The following POTEE variants were observed in gnomAD, a reference collection of about 807,000 sequenced individuals.
POTEE encodes POTE ankyrin domain family member E, also known as ANKRD26-like family C member 1A.
In POTEE, 21 loss-of-function variants were observed where a neutral mutation model predicts 74.2. The observed-to-expected ratio is 0.28, with a 90% CI of 0.20 to 0.41. The LOEUF (loss-of-function observed/expected upper bound fraction) is 0.41, where lower values mean the gene tolerates loss of function less well. Ranked by LOEUF, POTEE falls within the 10% of genes least tolerant of loss-of-function variation. The pLI, the probability that POTEE is intolerant of heterozygous loss-of-function variation, is 1.00. For missense variants in POTEE, 525 were observed against 1,158.6 expected, an observed-to-expected ratio of 0.45 and a Z score of 7.94; for synonymous variants, 211 against 432.8, an observed-to-expected ratio of 0.49 and a Z score of 6.36.
intron 17 of POTEE, among the ~76,000 whole-genome samples, chr2:131,263,088 A>G (rs1427280392): frequency 1.3e-5 from 2 of 150,574 alleles, no homozygotes; most frequent in Non-Finnish European, 3.0e-5. Flanking sequence ...TTTATTTTTC[A>G]TCGTCTTTAA....
chr2:131,251,272 A>AG lies in POTEE; in HGVS notation c.1551+424_1551+425insG. Among the ~76,000 whole-genome samples the AG allele has an allele frequency of 8.7e-5, 3 of 34,396 alleles. 1 individual carries two copies. Among genetic ancestry groups the AG allele is most frequent in the Non-Finnish European group, 2.6e-4 (3 of 11,544 alleles). 22.6% of individuals were successfully genotyped at this position (34,396 alleles called of 152,430 possible). ...GAGCGAGACTCCATGTGAAAAAAAA[A>AG]AAAAAAAATTTTAATAGATTCTTAA... On this transcript the variant is annotated intron_variant, in intron 14 of 17. Transcript: ENST00000683005.
At chr2:131,234,036 G>C (rs1223550745) in intron 9 of POTEE, among the ~76,000 whole-genome samples, 2 of 151,154 alleles carry the variant, frequency 1.3e-5, no homozygotes, top group Admixed American at 6.6e-5. Context: ...CATCCTACTA[G>C]TTTGACTCTC....
In POTEE at chr2:131,217,784, A is replaced by ACGCGCACGCCTCG. The variant is rs1700480977; in HGVS notation, c.-94+111_-94+112insTCGCGCGCACGCC. Reference sequence around the variant, plus strand: ...CGCCGCACGCGCACGCCGCACGCGCACGCGCACGCCCGGCAGCAGCTTGCT... The same window carrying ACGCGCACGCCTCG: ...CGCCGCACGCGCACGCCGCACGCGCACGCGCACGCCTCGCGCGCACGCCCGGCAGCAGCTTGCT... On this transcript the variant is annotated intron_variant, in intron 3 of 17. Coordinates refer to ENST00000683005, the MANE Select transcript of POTEE (RefSeq NM_001083538.3). Among the ~76,000 whole-genome samples the ACGCGCACGCCTCG allele has an allele frequency of 9.1e-5, 11 of 120,500 alleles. No individual in the cohort carries two copies. The South Asian group carries it at 2.8e-3, about 31-fold the overall frequency. The allele number at this position is 120,500 out of a possible 152,430, so 79.1% of individuals were successfully genotyped here. A position where few individuals can be genotyped will look rare whatever the true frequency, so the allele number is the denominator to read the frequency against.
At chr2:131,232,612 T>A (rs2105094149) in intron 9 of POTEE, among the ~76,000 whole-genome samples, 1 of 149,076 alleles carries the variant, frequency 6.7e-6, no homozygotes, top group East Asian at 1.9e-4. Flanking sequence ...AATGAGTAGG[T>A]CTTATCCTGT....
At chr2:131,235,940 C>A (rs1270925215) in intron 9 of POTEE, among the ~76,000 whole-genome samples, 1 of 151,798 alleles carries the variant, frequency 6.6e-6, no homozygotes, top group Non-Finnish European at 1.5e-5. Context: ...ACTATTGTTG[C>A]AGAAAACAGG....
At chr2:131,220,960 C>CAAA (rs368618556) in intron 4 of POTEE, among the ~76,000 whole-genome samples, 1 of 116,924 alleles carries the variant, frequency 8.6e-6, no homozygotes, top group Non-Finnish European at 1.7e-5. Flanking sequence ...GACTCCATCT[C>CAAA]AAAAAAAAAA....
chr2:131,210,087 T>C (rs1216132553), intron 1 of POTEE, among the ~76,000 whole-genome samples: 2 of 143,738 alleles, frequency 1.4e-5, no homozygotes, highest in African/African-American at 2.7e-5. Flanking sequence ...CACTATTTTC[T>C]GCTGCACTGC....
chr2:131,225,228 G>T lies in POTEE; in HGVS notation c.810+1185G>T, dbSNP rs530803660. Among the ~76,000 whole-genome samples, 12 of 152,132 alleles carry T rather than the reference G, an allele frequency of 7.9e-5. No homozygotes were observed. In the South Asian group the frequency reaches 8.3e-4, roughly 11 times the overall value. On this transcript the variant is annotated intron_variant, in intron 6 of 17. Transcript: ENST00000683005. ...ATTTTGATACAGTAAGTCTAATAAA[G>T]CCTGGATATGTATATTTGAAAATGT... is the stretch of plus-strand genomic sequence containing the variant.
Position 131,218,603 on chromosome 2 carries a change from C to G in POTEE, c.201C>G (p.His67Gln). The G allele has an allele frequency of 6.2e-7, 1 of 1,610,834 alleles. No homozygotes were observed. Among genetic ancestry groups the G allele is most frequent in the East Asian group, 2.2e-5 (1 of 44,636 alleles). Residue 67 changes from histidine to glutamine, a missense_variant, in exon 4 of 18, where the codon CAC becomes CAG. Coordinates refer to ENST00000683005, the MANE Select transcript of POTEE (RefSeq NM_001083538.3). Reference sequence around the variant, plus strand: ...GCAAGATGGGCAAGTGGTGCCACCACTGCTTCCCCTGCTGCAGGGGGAGTG... The same window carrying G: ...GCAAGATGGGCAAGTGGTGCCACCAGTGCTTCCCCTGCTGCAGGGGGAGTG... Reference protein sequence around the residue: ...LRSKMGKWCHHCFPCCRGSGK... With the variant: ...LRSKMGKWCHQCFPCCRGSGK...
Position 131,226,916 on chromosome 2 carries a change from G to T in POTEE, c.904G>T (p.Asp302Tyr), listed in dbSNP as rs549442993. The T allele has an allele frequency of 6.2e-7, 1 of 1,611,642 alleles. No individual in the cohort carries two copies. Among genetic ancestry groups the T allele is most frequent in the South Asian group, 1.1e-5 (1 of 90,972 alleles). Reference protein sequence around the residue: ...IKKKANLNALDRYGRTALILA... With the variant: ...IKKKANLNALYRYGRTALILA... ...GAAAAAAGCGAATTTAAATGCACTG[G>T]ATAGATATGGAAGGTATAGTTCTTT... is the stretch of plus-strand genomic sequence containing the variant. Residue 302 changes from aspartate (D) to tyrosine (Y), a missense_variant, in exon 7 of 18, where the codon GAT (aspartate) becomes TAT (tyrosine). Physicochemically the swap from Asp to Tyr is radical, Grantham distance 160. Coordinates refer to ENST00000683005, the MANE Select transcript of POTEE (RefSeq NM_001083538.3).
intron 3 of POTEE, among the ~76,000 whole-genome samples, 149 bp downstream of exon 3, chr2:131,217,832 C>T (rs1303981916): frequency 1.3e-5 from 2 of 150,828 alleles, no homozygotes; most frequent in South Asian, 2.1e-4. Flanking sequence ...CTTGCACGCG[C>T]ACGCCGCACG....
At chr2:131,218,122 G>C (rs1700492881) in intron 3 of POTEE, 188 bp from the exon 4 acceptor site, 1 of 584,990 alleles carries the variant, frequency 1.7e-6, no homozygotes, top group African/African-American at 2.0e-5. Flanking sequence ...TGGGCTGGGT[G>C]TTTTCTTGGG....
intron 1 of POTEE, among the ~76,000 whole-genome samples, chr2:131,210,233 T>G (rs1163027319): frequency 9.6e-5 from 6 of 62,238 alleles, no homozygotes; most frequent in Admixed American, 2.5e-4. Flanking sequence ...TGTGGTGGGG[T>G]GGGGGCGGCG....
intron 8 of POTEE, among the ~76,000 whole-genome samples, chr2:131,228,905 C>T (rs1277211814): frequency 2.1e-5 from 3 of 144,910 alleles, no homozygotes; most frequent in African/African-American, 5.8e-5. Context: ...TGCTTTGTGG[C>T]CACTCAAACT....
At chr2:131,228,670 G>A (rs1385034909) in intron 8 of POTEE, among the ~76,000 whole-genome samples, 1 of 147,230 alleles carries the variant, frequency 6.8e-6, no homozygotes, top group Non-Finnish European at 1.5e-5. Flanking sequence ...ATAAAAAATA[G>A]TGTCACATCT....
At chr2:131,256,853 T>A (rs1437636471) in intron 16 of POTEE, among the ~76,000 whole-genome samples, 1 of 152,298 alleles carries the variant, frequency 6.6e-6, no homozygotes, top group African/African-American at 2.4e-5. Flanking sequence ...ATTAGGATTG[T>A]ATCATCAGGA....
intron 10 of POTEE, among the ~76,000 whole-genome samples, chr2:131,237,551 A>G (rs1235685733): frequency 2.0e-4 from 30 of 151,760 alleles, no homozygotes; most frequent in Admixed American, 1.7e-3. Context: ...ATCTTTATCC[A>G]CTGTAATTAG....
rs1309313181 is a variant in POTEE at position 131,263,493 on chromosome 2, AT to A, written c.2040del (p.Ile680MetfsTer4). ...AAGAGAAAAGAAATATTTGGAGGATATTGAAAGTGTGAAAAAAAAGAATGAT... is the reference window on the plus strand; with the variant it reads ...AAGAGAAAAGAAATATTTGGAGGATATGAAAGTGTGAAAAAAAAGAATGAT... ...QLREKKYLED[I>X]ESVKKKNDNL... On this transcript the variant is annotated frameshift_variant, in exon 18 of 18. Transcript: ENST00000683005. LOFTEE classifies it high-confidence loss of function. 1 of 1,611,746 alleles carries A rather than the reference AT, an allele frequency of 6.2e-7. No individual in the cohort carries two copies. Among genetic ancestry groups the A allele is most frequent in the Non-Finnish European group, 8.5e-7 (1 of 1,179,718 alleles).
At chr2:131,222,881 C>G (rs1429922880) in intron 4 of POTEE, among the ~76,000 whole-genome samples, 3 of 151,842 alleles carry the variant, frequency 2.0e-5, no homozygotes, top group Admixed American at 2.0e-4. Context: ...TGACTGGAAC[C>G]GCCCCGGACC....
Sources: allele counts gnomAD v4.1 joint callset (sites outside exome capture counted in the v4.1 genomes callset), GRCh38; gene constraint gnomAD v4.1.1; transcripts MANE v1.5; gene names NCBI Gene and HGNC (gene_info 2026-07-23, HGNC 2026-07-21).